Variants in BABAM2 observed in about 807,000 individuals in gnomAD.
BABAM2 encodes the protein BRISC and BRCA1-A complex member 2.
Under a neutral mutation model 54.7 loss-of-function variants are expected in BABAM2, and 31 were observed. The ratio of observed to expected loss-of-function variants is 0.57; its 90% CI spans 0.43 to 0.77. The LOEUF is 0.77. Ranked by LOEUF, BABAM2 falls within the 30% of genes least tolerant of loss-of-function variation. The pLI is 0.00. For synonymous variants in BABAM2, 167 were observed against 162.9 expected, an observed-to-expected ratio of 1.03 and a Z score of -0.19; for missense variants, 364 against 455.8, an observed-to-expected ratio of 0.80 and a Z score of 1.83.
At chr2:28,129,528 A>C in intron 7 of BABAM2, 148 bp downstream of exon 7, 5 of 731,896 alleles carry the variant, frequency 6.8e-6, no homozygotes, top group Non-Finnish European at 1.1e-5. Context: ...AAGAGTTTCC[A>C]TTGCAGAGTA....
chr2:27,978,720 T>C (rs1671774391), intron 3 of BABAM2, among the ~76,000 whole-genome samples: 1 of 152,324 alleles, frequency 6.6e-6, no homozygotes. Flanking sequence ...GGGTTTGGTG[T>C]ACAAAAGATT....
intron 7 of BABAM2, among the ~76,000 whole-genome samples, chr2:28,220,540 C>T (rs1220815989): frequency 6.6e-6 from 1 of 151,374 alleles, no homozygotes; most frequent in Non-Finnish European, 1.5e-5. Flanking sequence ...TCTCTCTCTC[C>T]ATCTCTATGT....
At chr2:28,195,562 T>C (rs1428791278) in intron 7 of BABAM2, among the ~76,000 whole-genome samples, 1 of 152,178 alleles carries the variant, frequency 6.6e-6, no homozygotes, top group Non-Finnish European at 1.5e-5. Flanking sequence ...TTCCATCCTT[T>C]TGGGTGGAGA....
At chr2:28,257,612 G>A (rs780092224) in intron 10 of BABAM2, among the ~76,000 whole-genome samples, 5 of 152,150 alleles carry the variant, frequency 3.3e-5, no homozygotes, top group Non-Finnish European at 5.9e-5. Context: ...GGCCAGACTC[G>A]GTGGCTCAGG....
chr2:28,238,071 A>C (rs1210023889), intron 8 of BABAM2, among the ~76,000 whole-genome samples: 2 of 151,998 alleles, frequency 1.3e-5, no homozygotes, highest in Non-Finnish European at 2.9e-5. Context: ...GCTAGTCTCA[A>C]ACTCCTGACT....
At position 28,243,309 on chromosome 2, in the gene BABAM2, G is replaced by A. The variant is rs965188001; in HGVS notation, c.852-1471G>A. ...AGCACTTTGGGAGGCCGAGGCGGGC[G>A]GATCATGAGGTCAGGAGTTCGAGAC... On this transcript the variant is annotated intron_variant, in intron 9 of 11. Coordinates refer to ENST00000379624, the MANE Select transcript of BABAM2 (RefSeq NM_199191.3). 1.3e-4 allele frequency among the ~76,000 whole-genome samples: 20 copies of A among 152,124 alleles called. No homozygotes were observed. In the South Asian group the frequency reaches 2.7e-3, roughly 21 times the overall value.
intron 10 of BABAM2, among the ~76,000 whole-genome samples, chr2:28,289,484 T>C (rs1687097660): frequency 6.6e-6 from 1 of 152,154 alleles, no homozygotes; most frequent in South Asian, 2.1e-4. Flanking sequence ...CTGAGTTTTT[T>C]TAAAAAGAAA....
intron 3 of BABAM2, among the ~76,000 whole-genome samples, chr2:27,980,133 C>T (rs1307259710): frequency 1.3e-5 from 2 of 152,110 alleles, no homozygotes; most frequent in African/African-American, 4.8e-5. Context: ...AGACTTGAAA[C>T]TCTTATTTTG....
intron 6 of BABAM2, among the ~76,000 whole-genome samples, chr2:28,125,941 G>T (rs1194752028): frequency 6.6e-6 from 1 of 152,176 alleles, no homozygotes; most frequent in East Asian, 1.9e-4. Context: ...GAAGGTTAAA[G>T]AGCTGTTTAT....
chr2:27,895,293 T>TTG, intron 2 of BABAM2, among the ~76,000 whole-genome samples: 1 of 152,362 alleles, frequency 6.6e-6, no homozygotes, highest in East Asian at 1.9e-4. Context: ...ATGCCTTTTT[T>TTG]GTTCCAGGAT....
chr2:28,216,353 A>G (rs1002176240), intron 7 of BABAM2, among the ~76,000 whole-genome samples: 13 of 152,204 alleles, frequency 8.5e-5, no homozygotes, highest in African/African-American at 2.9e-4. Flanking sequence ...AGCCAACTCT[A>G]GTGACTCCTT....
chr2:28,325,288 C>T lies in BABAM2; in HGVS notation c.1089-13162C>T, dbSNP rs540863801. Among the ~76,000 whole-genome samples the T allele has an allele frequency of 5.3e-5, 8 of 152,324 alleles. No homozygotes were observed. The East Asian group carries it at 7.7e-4, about 15-fold the overall frequency. On this transcript the variant is annotated intron_variant, in intron 11 of 11. Transcript: ENST00000379624. This position sits in a 1 kb window ranked among gnomAD's most constrained non-coding sequence, Gnocchi z 4.3. ...ACCTGCTGTCAGCATGTGCAGGGCC[C>T]GAGCTGGTGCAGTGTGGAGTGATCC...
chr2:27,946,598 C>G (rs1287563129), intron 3 of BABAM2, among the ~76,000 whole-genome samples: 1 of 151,628 alleles, frequency 6.6e-6, no homozygotes. Context: ...TTAGAATTCA[C>G]CAATGAAGCC....
At chr2:28,221,549 C>T (rs1680422246) in intron 7 of BABAM2, among the ~76,000 whole-genome samples, 2 of 152,058 alleles carry the variant, frequency 1.3e-5, no homozygotes, top group Non-Finnish European at 1.5e-5. Context: ...TATATCATGG[C>T]CATTTGTCTG....
intron 3 of BABAM2, among the ~76,000 whole-genome samples, chr2:27,976,370 G>A (rs1195450742): frequency 6.6e-6 from 1 of 152,024 alleles, no homozygotes; most frequent in Non-Finnish European, 1.5e-5. Context: ...TATACTAGTA[G>A]GCTATAAAAA....
chr2:28,107,653 G>A (rs941125830), intron 6 of BABAM2, among the ~76,000 whole-genome samples: 11 of 152,106 alleles, frequency 7.2e-5, no homozygotes, highest in Admixed American at 4.6e-4. Context: ...ATGCCCAGTC[G>A]TGCCCTCTCT....
chr2:28,211,214 T>C (rs1194556891), intron 7 of BABAM2, among the ~76,000 whole-genome samples: 2 of 152,128 alleles, frequency 1.3e-5, no homozygotes, highest in African/African-American at 4.8e-5. Context: ...CTCCAAGAGA[T>C]CAACTGCTGT....
Position 27,995,666 on chromosome 2 carries a change from G to A in BABAM2, c.300+7579G>A, listed in dbSNP as rs181752542. Among the ~76,000 whole-genome samples, 656 of 152,092 alleles carry A rather than the reference G, an allele frequency of 4.3e-3. 2 individuals are homozygous for A. Among genetic ancestry groups the A allele is most frequent in the African/African-American group, 0.015 (619 of 41,484 alleles). ...TCAATCTCGGCTCACTGCAAGCTCC[G>A]CCTCCCGGGTTCACGCCATTCTCCT... On this transcript the variant is annotated intron_variant, in intron 4 of 11. Coordinates refer to ENST00000379624, the MANE Select transcript of BABAM2 (RefSeq NM_199191.3). The surrounding 1 kb of genome is among the most constrained non-coding windows in gnomAD (Gnocchi z 4.1).
chr2:28,178,312 A>C (rs1035236039), intron 7 of BABAM2, among the ~76,000 whole-genome samples: 1 of 152,322 alleles, frequency 6.6e-6, no homozygotes, highest in Admixed American at 6.5e-5. Context: ...TTCTCAGACT[A>C]TAGTGGAATA....
Sources: gnomAD v4.1 joint callset for allele counts (sites outside exome capture counted in the v4.1 genomes callset) on GRCh38, gnomAD v4.1.1 for gene constraint, Gnocchi (gnomAD v3.1) non-coding constraint, MANE v1.5 for transcripts, NCBI Gene and HGNC (gene_info 2026-07-23, HGNC 2026-07-21) for gene names.